CAMK1D: variants seen among roughly 807,000 people sequenced by gnomAD.
The protein encoded by CAMK1D is calcium/calmodulin-dependent protein kinase type 1D.
CAMK1D carries 9 observed loss-of-function variants against 47.7 expected under a neutral mutation model. That is an observed-to-expected ratio of 0.19 (90% confidence interval 0.11 to 0.33). The LOEUF (loss-of-function observed/expected upper bound fraction) is 0.33. Ranked by LOEUF, CAMK1D falls within the 10% of genes least tolerant of loss-of-function variation. The pLI is 1.00. For synonymous variants in CAMK1D, 184 were observed against 184.9 expected, an observed-to-expected ratio of 0.99 and a Z score of 0.04; for missense variants, 291 against 488.7, an observed-to-expected ratio of 0.60 and a Z score of 3.81.
intron 6 of CAMK1D, among the ~76,000 whole-genome samples, chr10:12,802,678 G>A (rs1360393590): frequency 6.6e-6 from 1 of 152,070 alleles, no homozygotes; most frequent in African/African-American, 2.4e-5. Flanking sequence ...GTGCCACCAC[G>A]CCTGGCCAAT....
intron 3 of CAMK1D, among the ~76,000 whole-genome samples, chr10:12,694,151 T>A (rs370450089): frequency 0.017 from 294 of 17,294 alleles, 35 homozygotes; most frequent in Non-Finnish European, 0.024. Flanking sequence ...ATATAATATA[T>A]AATATATATT....
intron 8 of CAMK1D, among the ~76,000 whole-genome samples, chr10:12,818,314 A>G (rs954954198): frequency 2.0e-5 from 3 of 152,140 alleles, no homozygotes; most frequent in African/African-American, 7.2e-5. Context: ...GCTCTAATGT[A>G]TTGTCTTCTT....
intron 3 of CAMK1D, among the ~76,000 whole-genome samples, chr10:12,734,272 G>A (rs1310894543): frequency 2.1e-4 from 29 of 137,218 alleles, no homozygotes; most frequent in African/African-American, 8.2e-4. Flanking sequence ...CAGTGAGGCC[G>A]AGATCATGCC....
chr10:12,395,065 A>ATTTTTTT (rs5783265), intron 1 of CAMK1D, among the ~76,000 whole-genome samples: 1 of 94,726 alleles, frequency 1.1e-5, no homozygotes, highest in Non-Finnish European at 2.0e-5. Flanking sequence ...TAAAATTTTA[A>ATTTTTTT]TTTTTTTTTT....
intron 3 of CAMK1D, among the ~76,000 whole-genome samples, chr10:12,696,135 G>A (rs933749864): frequency 6.6e-5 from 10 of 152,006 alleles, no homozygotes; most frequent in African/African-American, 2.2e-4. Flanking sequence ...TGACCTCTTT[G>A]GAAATCTTGC....
chr10:12,401,221 T>A (rs1839194026), intron 1 of CAMK1D, among the ~76,000 whole-genome samples: 1 of 41,648 alleles, frequency 2.4e-5, no homozygotes, highest in African/African-American at 1.1e-4. Context: ...ATGTATTATA[T>A]ATATTATATA....
intron 1 of CAMK1D, among the ~76,000 whole-genome samples, chr10:12,489,093 G>A (rs1299943993): frequency 6.6e-6 from 1 of 152,134 alleles, no homozygotes; most frequent in African/African-American, 2.4e-5. Context: ...CCGCCACCGT[G>A]CCTGGCTAAT....
At chr10:12,418,569 T>G (rs977116610) in intron 1 of CAMK1D, among the ~76,000 whole-genome samples, 2 of 152,196 alleles carry the variant, frequency 1.3e-5, no homozygotes, top group Non-Finnish European at 2.9e-5. Context: ...GATCATGCAC[T>G]GCATTCCAGC....
chr10:12,709,520 A>G (rs187928071), intron 3 of CAMK1D, among the ~76,000 whole-genome samples: 143 of 152,364 alleles, frequency 9.4e-4, no homozygotes, highest in African/African-American at 3.4e-3. Context: ...AATATCTAGT[A>G]TTGAGACAGC....
intron 3 of CAMK1D, among the ~76,000 whole-genome samples, chr10:12,734,363 T>G (rs12784559): frequency 3.7e-3 from 38 of 10,152 alleles, no homozygotes; most frequent in African/African-American, 7.3e-3. Context: ...TATATATATA[T>G]ATATATATAT....
At chr10:12,515,570 C>T (rs981448268) in intron 1 of CAMK1D, among the ~76,000 whole-genome samples, 1 of 81,008 alleles carries the variant, frequency 1.2e-5, no homozygotes, top group Non-Finnish European at 2.4e-5. Flanking sequence ...CCTCCCCCCT[C>T]CCCCGACCCC....
In CAMK1D at chr10:12,577,754, C is replaced by T. The variant is rs536275056; in HGVS notation, c.224+24398C>T. Among the ~76,000 whole-genome samples the T allele has an allele frequency of 1.9e-4, 29 of 152,340 alleles. No individual in the cohort carries two copies. In the South Asian group the frequency reaches 5.4e-3, roughly 28 times the overall value. ...CCCCACTCCGGCCAATGCCCCATAA[C>T]GGGGTATGATGCTTGGCTGACATCG... On this transcript the variant is annotated intron_variant, in intron 2 of 10. Coordinates refer to ENST00000619168, the MANE Select transcript of CAMK1D (RefSeq NM_153498.4).
At chr10:12,816,351 C>T in intron 8 of CAMK1D, 23 bp downstream of exon 8, 1 of 1,601,788 alleles carries the variant, frequency 6.2e-7, no homozygotes. Flanking sequence ...ACCCGCTCAG[C>T]AGACCGTGCC....
At chr10:12,683,963 A>G (rs1429215723) in intron 3 of CAMK1D, among the ~76,000 whole-genome samples, 1 of 152,178 alleles carries the variant, frequency 6.6e-6, no homozygotes, top group Non-Finnish European at 1.5e-5. Context: ...GCACTCTGAA[A>G]ATGATGAGGT....
chr10:12,515,412 T>C (rs1261693264), intron 1 of CAMK1D, among the ~76,000 whole-genome samples: 1 of 69,152 alleles, frequency 1.4e-5, no homozygotes, highest in African/African-American at 5.8e-5. Context: ...CTTTTTTTTT[T>C]TTTTTCTTTT....
chr10:12,372,612 G>A (rs184563076), intron 1 of CAMK1D, among the ~76,000 whole-genome samples: 150 of 152,298 alleles, frequency 9.8e-4, no homozygotes, highest in Non-Finnish European at 2.0e-3. Flanking sequence ...GGGAATGGGA[G>A]TAATTTTTAT....
chr10:12,691,164 G>A (rs1280744998), intron 3 of CAMK1D, among the ~76,000 whole-genome samples: 1 of 151,734 alleles, frequency 6.6e-6, no homozygotes, highest in South Asian at 2.1e-4. Context: ...AAGACTGACT[G>A]TAAAGGGATG....
At chr10:12,492,035 T>C (rs113554443) in intron 1 of CAMK1D, among the ~76,000 whole-genome samples, 29,907 of 152,130 alleles carry the variant, frequency 0.2, 3,040 homozygotes, top group Non-Finnish European at 0.22. Flanking sequence ...TCTGCCCACC[T>C]CAGCCTCCCA....
At chr10:12,782,999 T>G (rs1212564873) in intron 5 of CAMK1D, among the ~76,000 whole-genome samples, 3 of 150,802 alleles carry the variant, frequency 2.0e-5, no homozygotes, top group Admixed American at 6.6e-5. Flanking sequence ...TTTTTTTGTT[T>G]TTTTTTTTTT....
Sources: allele counts gnomAD v4.1 joint callset (sites outside exome capture counted in the v4.1 genomes callset), GRCh38; gene constraint gnomAD v4.1.1; transcripts MANE v1.5; gene names NCBI Gene and HGNC (gene_info 2026-07-23, HGNC 2026-07-21).